The following DLG2 variants were observed in gnomAD, a reference collection of about 807,000 sequenced individuals.
The protein encoded by DLG2 is disks large homolog 2.
In DLG2, 45 loss-of-function variants were observed where a neutral mutation model predicts 132.5. The ratio of observed to expected loss-of-function variants is 0.34; its 90% CI spans 0.27 to 0.44. The LOEUF is 0.44. Among genes scored for constraint, DLG2 ranks in the 20% least tolerant of loss-of-function variants. DLG2 has a pLI of 1.00. For missense variants in DLG2, 1,045 were observed against 1,196.9 expected, an observed-to-expected ratio of 0.87 and a Z score of 1.87; for synonymous variants, 424 against 419.6, an observed-to-expected ratio of 1.01 and a Z score of -0.13.
intron 6 of DLG2, among the ~76,000 whole-genome samples, chr11:85,090,489 A>G (rs2154175807): frequency 6.6e-6 from 1 of 152,286 alleles, no homozygotes; most frequent in Non-Finnish European, 1.5e-5. Flanking sequence ...AAACATACAC[A>G]TGCACTCATA....
At chr11:84,711,398 T>TCCTCCCCCACCC (rs1298804793) in intron 6 of DLG2, among the ~76,000 whole-genome samples, 1 of 108,664 alleles carries the variant, frequency 9.2e-6, no homozygotes, top group Non-Finnish European at 1.8e-5. Context: ...GATCTAGCTA[T>TCCTCCCCCACCC]CCTCCCCCAC....
rs566446236 is a variant in DLG2 at position 84,576,313 on chromosome 11, T to C, written c.358-41582A>G. ...ATCTACCTTTCTACCTATCTGTATC[T>C]ATTTATCAATCTTTCTCTATAAAGA... On this transcript the variant is annotated intron_variant, in intron 6 of 27. Transcript: ENST00000376104. Among the ~76,000 whole-genome samples the C allele has an allele frequency of 2.6e-5, 4 of 152,360 alleles. No homozygotes were observed. In the East Asian group the frequency reaches 7.7e-4, roughly 29 times the overall value.
intron 8 of DLG2, among the ~76,000 whole-genome samples, chr11:84,184,918 C>T (rs1195799813): frequency 2.0e-5 from 3 of 152,086 alleles, no homozygotes; most frequent in Non-Finnish European, 2.9e-5. Flanking sequence ...CTGTTCTGTT[C>T]CATTCGTCTA....
Position 84,549,809 on chromosome 11 carries a change from A to C in DLG2, c.358-15078T>G, listed in dbSNP as rs185567540. Among the ~76,000 whole-genome samples, 348 of 152,158 alleles carry C rather than the reference A, an allele frequency of 2.3e-3. 7 individuals are homozygous for C. The highest frequency in any genetic ancestry group is 1.2e-3 in the East Asian group (6 of 5,156). ...CGCTCTGTCACCTAGGCTGGAGTGC[A>C]GTGGCGCAATCTCAGCTCACTGCAA... On this transcript the variant is annotated intron_variant, in intron 6 of 27. Transcript: ENST00000376104.
At position 84,847,012 on chromosome 11, in the gene DLG2, C is replaced by A. The variant is rs1490134569; in HGVS notation, c.357+264649G>T. Among the ~76,000 whole-genome samples the A allele has an allele frequency of 2.6e-5, 4 of 152,028 alleles. No individual in the cohort carries two copies. The East Asian group carries it at 7.7e-4, about 29-fold the overall frequency. ...GTCCCAGCTGCTATTTGAATACTGT[C>A]AATTTAGAGACCCTCAGAAGAATTT... On this transcript the variant is annotated intron_variant, in intron 6 of 27. Coordinates refer to ENST00000376104, the MANE Select transcript of DLG2 (RefSeq NM_001142699.3).
chr11:84,946,489 T>A (rs2050212553), intron 6 of DLG2, among the ~76,000 whole-genome samples: 1 of 152,124 alleles, frequency 6.6e-6, no homozygotes, highest in African/African-American at 2.4e-5. Context: ...TGGCCCAGGA[T>A]GTGTCCAGAA....
Position 85,163,551 on chromosome 11 carries a change from G to A in DLG2, c.187-8900C>T, listed in dbSNP as rs1809951279. Among the ~76,000 whole-genome samples the A allele has an allele frequency of 2.6e-5, 4 of 152,118 alleles. No individual in the cohort carries two copies. In the South Asian group the frequency reaches 8.3e-4, roughly 31 times the overall value. On this transcript the variant is annotated intron_variant, in intron 4 of 27. Coordinates refer to ENST00000376104, the MANE Select transcript of DLG2 (RefSeq NM_001142699.3). ...ACAAAGGAGGTTATCTAGGCAAGTA[G>A]GAGTATTCAATCTAATAGAAAATAG...
intron 18 of DLG2, among the ~76,000 whole-genome samples, chr11:83,633,743 A>AAACAC (rs1555268409): frequency 7.0e-6 from 1 of 143,202 alleles, no homozygotes; most frequent in Non-Finnish European, 1.5e-5. Context: ...CACAGAACTA[A>AAACAC]ACACACACAC....
At chr11:84,092,277 G>A (rs2097104657) in intron 10 of DLG2, among the ~76,000 whole-genome samples, 1 of 152,246 alleles carries the variant, frequency 6.6e-6, no homozygotes, top group Admixed American at 6.5e-5. Flanking sequence ...ACTTGTGGCT[G>A]AGGTTCAGCA....
chr11:85,167,219 A>G (rs144312798), intron 4 of DLG2, among the ~76,000 whole-genome samples: 276 of 152,286 alleles, frequency 1.8e-3, no homozygotes, highest in African/African-American at 6.3e-3. Context: ...AAGAATGTCA[A>G]GTGTACAGAT....
chr11:84,918,933 A>G (rs1387025489), intron 6 of DLG2, among the ~76,000 whole-genome samples: 1 of 152,176 alleles, frequency 6.6e-6, no homozygotes, highest in African/African-American at 2.4e-5. Context: ...TGTACTTAGC[A>G]TTGTTCTTTG....
At chr11:84,706,975 A>G (rs1408665497) in intron 6 of DLG2, among the ~76,000 whole-genome samples, 2 of 151,832 alleles carry the variant, frequency 1.3e-5, no homozygotes, top group Non-Finnish European at 2.9e-5. Flanking sequence ...TTGTACACCA[A>G]TGCCAAATGC....
At chr11:85,053,035 A>G (rs2063055684) in intron 6 of DLG2, among the ~76,000 whole-genome samples, 1 of 152,076 alleles carries the variant, frequency 6.6e-6, no homozygotes, top group Admixed American at 6.6e-5. Context: ...TATCTGCTCT[A>G]GTTTGGCTTT....
At chr11:83,897,875 T>C (rs1006698358) in intron 15 of DLG2, among the ~76,000 whole-genome samples, 1 of 152,228 alleles carries the variant, frequency 6.6e-6, no homozygotes, top group Non-Finnish European at 1.5e-5. Flanking sequence ...AATTGCTTTA[T>C]ACACATTATC....
chr11:85,402,965 C>T (rs2088310432), intron 3 of DLG2, among the ~76,000 whole-genome samples: 1 of 152,072 alleles, frequency 6.6e-6, no homozygotes, highest in African/African-American at 2.4e-5. Context: ...CTGGCAATAC[C>T]ATCTGACCCA....
chr11:85,320,584 G>A (rs975575691), intron 3 of DLG2, among the ~76,000 whole-genome samples: 11 of 151,910 alleles, frequency 7.2e-5, no homozygotes, highest in African/African-American at 2.7e-4. Flanking sequence ...ATGTCAGGTA[G>A]TGACAAGTGC....
intron 18 of DLG2, among the ~76,000 whole-genome samples, chr11:83,691,171 G>A (rs2080929022): frequency 6.6e-6 from 1 of 152,146 alleles, no homozygotes; most frequent in Admixed American, 6.6e-5. Flanking sequence ...CTTAGGAAAT[G>A]GCAGAATCAG....
intron 5 of DLG2, among the ~76,000 whole-genome samples, chr11:85,152,281 C>T (rs1247665665): frequency 6.6e-6 from 1 of 150,692 alleles, no homozygotes; most frequent in Non-Finnish European, 1.5e-5. Flanking sequence ...TTCCCTGTCA[C>T]CCATGCTGGA....
chr11:84,689,715 A>G (rs1490702476), intron 6 of DLG2, among the ~76,000 whole-genome samples: 1 of 152,050 alleles, frequency 6.6e-6, no homozygotes, highest in Admixed American at 6.6e-5. Flanking sequence ...AAAAGAGTAT[A>G]AAGCAGGGAA....
Sources: allele counts gnomAD v4.1 joint callset (sites outside exome capture counted in the v4.1 genomes callset), GRCh38; gene constraint gnomAD v4.1.1; transcripts MANE v1.5; gene names NCBI Gene and HGNC (gene_info 2026-07-23, HGNC 2026-07-21).